Variants in SAMSN1 observed in about 807,000 individuals in gnomAD.
SAMSN1 encodes the protein SAM domain-containing protein SAMSN-1.
In SAMSN1, 31 loss-of-function variants were observed where a neutral mutation model predicts 42.0. The ratio of observed to expected loss-of-function variants is 0.74; its 90% CI spans 0.55 to 1.00. The LOEUF (loss-of-function observed/expected upper bound fraction) is 1.00, where lower values mean the gene tolerates loss of function less well. SAMSN1 is among the 50% of genes least tolerant of loss of function. The pLI is 0.00. For synonymous variants in SAMSN1, 178 were observed against 151.9 expected, an observed-to-expected ratio of 1.17 and a Z score of -1.26; for missense variants, 464 against 439.4, an observed-to-expected ratio of 1.06 and a Z score of -0.50.
intron 2 of SAMSN1, among the ~76,000 whole-genome samples, chr21:14,636,562 G>T (rs1438759971): frequency 1.3e-5 from 2 of 152,124 alleles, no homozygotes; most frequent in African/African-American, 4.8e-5. Flanking sequence ...GATATAACTG[G>T]CCAGGCATGG....
At chr21:14,593,992 A>T (rs754861913) in intron 7 of SAMSN1, 1 of 715,598 alleles carries the variant, frequency 1.4e-6, no homozygotes, top group Non-Finnish European at 2.6e-6. Context: ...AAATAGTTAC[A>T]TCTGGGAAGA....
At chr21:14,505,418 A>C (rs962528169) in intron 5 of SAMSN1, among the ~76,000 whole-genome samples, 2 of 152,226 alleles carry the variant, frequency 1.3e-5, no homozygotes, top group African/African-American at 4.8e-5. Flanking sequence ...TTTCATTCAA[A>C]TGGACACCAA....
chr21:14,606,191 T>C (rs1429513034), intron 5 of SAMSN1, among the ~76,000 whole-genome samples: 4 of 152,136 alleles, frequency 2.6e-5, no homozygotes, highest in Non-Finnish European at 4.4e-5. Context: ...GAAGTTAATG[T>C]TTCTCTTATT....
At chr21:14,486,866 T>C (rs1187786456) in intron 7 of SAMSN1, among the ~76,000 whole-genome samples, 1 of 152,204 alleles carries the variant, frequency 6.6e-6, no homozygotes, top group Non-Finnish European at 1.5e-5. Context: ...CAACAGGCAT[T>C]ATCTTTTAGA....
At position 14,612,875 on chromosome 21, in the gene SAMSN1, C is replaced by G; in HGVS notation, c.235+1G>C. ...CACTTGTAACCTTAGGAATCACTAA[C>G]CAAATATTTTATTTTCAGACATAAA... On this transcript the variant is annotated splice_donor_variant, in intron 4 of 15. Coordinates refer to the SAMSN1 transcript ENST00000647101. LOFTEE classifies it high-confidence loss of function. The G allele has an allele frequency of 1.4e-6, 1 of 705,844 alleles. No homozygotes were observed. The allele number at this position is 705,844 out of a possible 1,614,324, so 43.7% of individuals were successfully genotyped here.
intron 2 of SAMSN1, among the ~76,000 whole-genome samples, chr21:14,576,272 T>C (rs1018971395): frequency 1.3e-5 from 2 of 152,114 alleles, no homozygotes; most frequent in African/African-American, 2.4e-5. Flanking sequence ...AATTAATCTG[T>C]TAGATTAATC....
intron 2 of SAMSN1, among the ~76,000 whole-genome samples, chr21:14,618,662 G>T (rs1231287147): frequency 4.8e-4 from 27 of 56,620 alleles, no homozygotes; most frequent in African/African-American, 3.2e-3. Context: ...GTGTATGTGT[G>T]TGTGTGTGTG....
At chr21:14,511,219 T>A (rs1257998699) in intron 4 of SAMSN1, among the ~76,000 whole-genome samples, 2 of 152,224 alleles carry the variant, frequency 1.3e-5, no homozygotes, top group Non-Finnish European at 2.9e-5. Flanking sequence ...TCCTTCAAGA[T>A]GCTCCACATT....
At chr21:14,538,418 C>T (rs974290107) in intron 1 of SAMSN1, among the ~76,000 whole-genome samples, 1 of 152,110 alleles carries the variant, frequency 6.6e-6, no homozygotes, top group Non-Finnish European at 1.5e-5. Context: ...ATCTACAGGG[C>T]TTTTTTCTTC....
In SAMSN1 at chr21:14,517,935, T is replaced by C. The variant is rs183812801; in HGVS notation, c.130-894A>G. Among the ~76,000 whole-genome samples the C allele has an allele frequency of 2.2e-3, 336 of 152,348 alleles. 3 individuals are homozygous for C. Among genetic ancestry groups the C allele is most frequent in the African/African-American group, 5.9e-3 (247 of 41,592 alleles). On this transcript the variant is annotated intron_variant, in intron 2 of 7. Coordinates refer to ENST00000400566, the MANE Select transcript of SAMSN1 (RefSeq NM_022136.5). ...CACTAGATCAGTGGTTCTCAAAATA[T>C]GATCCCTGGACCAGCGGCATTAACA...
At chr21:14,517,114 G>A in intron 2 of SAMSN1, 73 bp from the exon 3 acceptor site, 1 of 1,373,830 alleles carries the variant, frequency 7.3e-7, no homozygotes, top group South Asian at 1.4e-5. Flanking sequence ...CACTGTTACA[G>A]AGAACATTCT....
intron 2 of SAMSN1, among the ~76,000 whole-genome samples, chr21:14,577,262 A>T (rs796467966): frequency 4.6e-5 from 2 of 43,384 alleles, no homozygotes; most frequent in African/African-American, 3.3e-4. Flanking sequence ...ATATATATAT[A>T]TATATATATA....
intron 2 of SAMSN1, among the ~76,000 whole-genome samples, chr21:14,629,629 C>A (rs968284818): frequency 1.3e-5 from 2 of 152,178 alleles, no homozygotes; most frequent in African/African-American, 4.8e-5. Context: ...CCACACACAG[C>A]CTCTCATCGC....
At chr21:14,562,068 G>A (rs917436150) in intron 2 of SAMSN1, among the ~76,000 whole-genome samples, 5 of 152,220 alleles carry the variant, frequency 3.3e-5, no homozygotes, top group African/African-American at 1.2e-4. Flanking sequence ...GGCAGCCTTG[G>A]AAAACCAATA....
intron 2 of SAMSN1, among the ~76,000 whole-genome samples, chr21:14,618,579 C>G (rs1286244550): frequency 3.3e-5 from 5 of 152,128 alleles, no homozygotes; most frequent in African/African-American, 9.7e-5. Flanking sequence ...GGAGTTCACA[C>G]CCTGGGTACT....
At chr21:14,487,550 G>T (rs961027969) in intron 7 of SAMSN1, among the ~76,000 whole-genome samples, 1 of 152,060 alleles carries the variant, frequency 6.6e-6, no homozygotes, top group African/African-American at 2.4e-5. Flanking sequence ...ATCCATGGGA[G>T]AAATTGAAAA....
At chr21:14,552,654 G>C (rs575578160) in intron 2 of SAMSN1, among the ~76,000 whole-genome samples, 1 of 151,996 alleles carries the variant, frequency 6.6e-6, no homozygotes, top group Non-Finnish European at 1.5e-5. Context: ...GCTACCCCAA[G>C]TTTATGGTAT....
intron 2 of SAMSN1, among the ~76,000 whole-genome samples, chr21:14,551,347 A>G (rs1286525301): frequency 6.6e-6 from 1 of 152,170 alleles, no homozygotes; most frequent in East Asian, 1.9e-4. Context: ...AAAGAATCAT[A>G]CAGGATAAAA....
chr21:14,517,051 A>T lies in SAMSN1; in HGVS notation c.130-10T>A. The T allele has an allele frequency of 6.3e-7, 1 of 1,597,244 alleles. No individual in the cohort carries two copies. Among genetic ancestry groups the T allele is most frequent in the Non-Finnish European group, 8.5e-7 (1 of 1,173,826 alleles). On this transcript the variant is annotated splice_polypyrimidine_tract_variant and intron_variant, in intron 2 of 7. Transcript: ENST00000400566. The stretch of plus-strand genomic sequence containing the variant: ...GATCTCCTTCATGTGCCTAGTTTAG[A>T]ATTGTTTACAAAAGACAAAATAATA...
Sources: allele counts gnomAD v4.1 joint callset (sites outside exome capture counted in the v4.1 genomes callset), GRCh38; gene constraint gnomAD v4.1.1; transcripts MANE v1.5; gene names NCBI Gene and HGNC (gene_info 2026-07-23, HGNC 2026-07-21).